Variants in BMP6 observed in about 807,000 individuals in gnomAD.
BMP6 encodes the protein bone morphogenetic protein 6.
A neutral mutation model predicts 54.1 loss-of-function variants in BMP6; 17 were observed. The observed-to-expected ratio is 0.31, with a 90% CI of 0.22 to 0.47. BMP6 has a LOEUF of 0.47. Ranked by LOEUF, BMP6 falls within the 20% of genes least tolerant of loss-of-function variation. The pLI is 1.00. For missense variants in BMP6, 720 were observed against 690.4 expected (o/e 1.04, Z -0.48); for synonymous variants, 328 against 291.2 (o/e 1.13, Z -1.28).
intron 1 of BMP6, among the ~76,000 whole-genome samples, chr6:7,806,816 A>G (rs1758353768): frequency 6.6e-6 from 1 of 152,210 alleles, no homozygotes; most frequent in African/African-American, 2.4e-5. Context: ...TTTTTAAAAG[A>G]AGATTAAAGT....
At chr6:7,861,627 G>T (rs753962595) in intron 3 of BMP6, 28 bp downstream of exon 3, 1 of 1,612,028 alleles carries the variant, frequency 6.2e-7, no homozygotes, top group Non-Finnish European at 8.5e-7. Flanking sequence ...AGCCTCCAAC[G>T]TCCAGCAAGT....
Position 7,842,786 on chromosome 6 carries a change from C to G in BMP6, c.665-2354C>G, listed in dbSNP as rs148661411. 1.5e-3 allele frequency among the ~76,000 whole-genome samples: 224 copies of G among 152,292 alleles called. 1 individual carries two copies. The highest frequency in any genetic ancestry group is 5.2e-3 in the African/African-American group (215 of 41,560). On this transcript the variant is annotated intron_variant, in intron 1 of 6. Transcript: ENST00000283147. The stretch of plus-strand genomic sequence containing the variant: ...TGTTAAAAATGTCTGTTTCTCTGCT[C>G]CTTATAACTGAAATATCTTAAAGTT...
intron 4 of BMP6, among the ~76,000 whole-genome samples, chr6:7,877,738 G>C (rs1308052825): frequency 3.9e-5 from 6 of 152,214 alleles, no homozygotes; most frequent in Non-Finnish European, 8.8e-5. Flanking sequence ...ACAATTAGGT[G>C]ACTTACTGGC....
chr6:7,781,335 C>CATCAGAGGGGGATTGTTGAATAGGCTTT (rs1457748881), intron 1 of BMP6, among the ~76,000 whole-genome samples: 19 of 151,702 alleles, frequency 1.3e-4, no homozygotes, highest in South Asian at 2.1e-4. Context: ...CTCGTTCATA[C>CATCAGAGGGGGATTGTTGAATAGGCTTT]GTACCATGCC....
intron 1 of BMP6, among the ~76,000 whole-genome samples, chr6:7,820,030 G>A (rs1230401746): frequency 6.6e-6 from 1 of 152,178 alleles, no homozygotes; most frequent in Non-Finnish European, 1.5e-5. Context: ...TTTAAATAAT[G>A]TAGGTGTGTT....
chr6:7,879,798 G>C (rs950680790), intron 5 of BMP6, among the ~76,000 whole-genome samples, 193 bp from the exon 6 acceptor site: 3 of 152,170 alleles, frequency 2.0e-5, no homozygotes, highest in Admixed American at 2.0e-4. Flanking sequence ...CGAGGGTTCT[G>C]GGGTCAGATG....
intron 1 of BMP6, among the ~76,000 whole-genome samples, chr6:7,754,583 G>A (rs1192419302): frequency 6.6e-6 from 1 of 152,170 alleles, no homozygotes; most frequent in African/African-American, 2.4e-5. Context: ...TTATGTCTCT[G>A]GATGAACTTG....
At chr6:7,739,870 C>T (rs1325790414) in intron 1 of BMP6, among the ~76,000 whole-genome samples, 1 of 152,224 alleles carries the variant, frequency 6.6e-6, no homozygotes, top group Non-Finnish European at 1.5e-5. Context: ...CCCTACTGGG[C>T]TATTTTTTAG....
At chr6:7,821,368 C>T (rs1213818268) in intron 1 of BMP6, among the ~76,000 whole-genome samples, 2 of 152,160 alleles carry the variant, frequency 1.3e-5, no homozygotes, top group African/African-American at 4.8e-5. Flanking sequence ...TGGGCCAACT[C>T]TTTTGTCATC....
chr6:7,854,101 C>G (rs1759187544), intron 2 of BMP6, among the ~76,000 whole-genome samples: 1 of 152,208 alleles, frequency 6.6e-6, no homozygotes, highest in Admixed American at 6.5e-5. Flanking sequence ...GCAGGAGACG[C>G]TGTTCTTTGG....
chr6:7,782,753 A>G (rs1463892131), intron 1 of BMP6, among the ~76,000 whole-genome samples: 1 of 152,158 alleles, frequency 6.6e-6, no homozygotes, highest in Non-Finnish European at 1.5e-5. Context: ...CTTGCCCAGG[A>G]AAGGAGTATA....
chr6:7,762,029 C>T (rs184582005), intron 1 of BMP6, among the ~76,000 whole-genome samples: 2 of 152,176 alleles, frequency 1.3e-5, no homozygotes, highest in Non-Finnish European at 2.9e-5. Flanking sequence ...TCGAGCAATT[C>T]TCCTGCCTCA....
intron 1 of BMP6, among the ~76,000 whole-genome samples, chr6:7,765,159 TG>T (rs1757668132): frequency 6.6e-6 from 1 of 152,086 alleles, no homozygotes; most frequent in South Asian, 2.1e-4. Context: ...AGTTTCCCAG[TG>T]ATTGGTTGAT....
chr6:7,852,398 C>A (rs962148546), intron 2 of BMP6, among the ~76,000 whole-genome samples: 1 of 152,102 alleles, frequency 6.6e-6, no homozygotes, highest in East Asian at 1.9e-4. Flanking sequence ...CATAAAGAGA[C>A]CCTGTCTCTA....
intron 1 of BMP6, among the ~76,000 whole-genome samples, chr6:7,761,004 GAATGGC>G (rs1460075207): frequency 6.6e-6 from 1 of 152,218 alleles, no homozygotes; most frequent in African/African-American, 2.4e-5. Context: ...CAGCAGATCT[GAATGGC>G]AATAGCACAT....
In BMP6 at chr6:7,768,986, T is replaced by C. The variant is rs146018235; in HGVS notation, c.664+41367T>C. ...GTTACTTCCAGGGCCAGAAATGATA[T>C]ATTGCAGTCAACTTGCATAACAGCT... On this transcript the variant is annotated intron_variant, in intron 1 of 6. Coordinates refer to ENST00000283147, the MANE Select transcript of BMP6 (RefSeq NM_001718.6). Among the ~76,000 whole-genome samples, 84 of 152,328 alleles carry C rather than the reference T, an allele frequency of 5.5e-4. 1 individual carries two copies. The highest frequency in any genetic ancestry group is 1.8e-3 in the African/African-American group (74 of 41,562).
At chr6:7,784,065 TA>T (rs1399404288) in intron 1 of BMP6, among the ~76,000 whole-genome samples, 2 of 152,250 alleles carry the variant, frequency 1.3e-5, no homozygotes, top group Non-Finnish European at 2.9e-5. Context: ...GTTCAATTTT[TA>T]AAATCATCTA....
At chr6:7,845,386 T>G (rs1759046283) in intron 2 of BMP6, 54 bp downstream of exon 2, 1 of 1,518,882 alleles carries the variant, frequency 6.6e-7, no homozygotes, top group Admixed American at 1.9e-5. Flanking sequence ...TTTCCCACCT[T>G]TTGTCATGAC....
At chr6:7,846,567 A>T (rs965650471) in intron 2 of BMP6, among the ~76,000 whole-genome samples, 1 of 152,216 alleles carries the variant, frequency 6.6e-6, no homozygotes, top group Non-Finnish European at 1.5e-5. Context: ...TCATGGTATG[A>T]ACATACATGC....
Sources: allele counts gnomAD v4.1 joint callset (sites outside exome capture counted in the v4.1 genomes callset), GRCh38; gene constraint gnomAD v4.1.1; transcripts MANE v1.5; gene names NCBI Gene and HGNC (gene_info 2026-07-23, HGNC 2026-07-21).